PIP5K1B: variants seen among roughly 807,000 people sequenced by gnomAD.
The protein encoded by PIP5K1B is phosphatidylinositol 4-phosphate 5-kinase type-1 beta.
A neutral mutation model predicts 67.0 loss-of-function variants in PIP5K1B; 42 were observed. That is an observed-to-expected ratio of 0.63 (90% CI 0.49 to 0.81). PIP5K1B has a LOEUF of 0.81. Ranked by LOEUF, PIP5K1B falls within the 30% of genes least tolerant of loss-of-function variation. The pLI is 0.00. For synonymous variants in PIP5K1B, 214 were observed against 231.4 expected (o/e 0.92, Z 0.68); for missense variants, 459 against 646.3 (o/e 0.71, Z 3.14).
At chr9:68,962,216 G>C (rs930489678) in intron 14 of PIP5K1B, among the ~76,000 whole-genome samples, 1 of 152,032 alleles carries the variant, frequency 6.6e-6, no homozygotes, top group Non-Finnish European at 1.5e-5. Context: ...GGAAAAAAAA[G>C]ACATTAAATA....
In PIP5K1B at chr9:68,932,414, A is replaced by T. The variant is rs117791317; in HGVS notation, c.1202-2476A>T. ...TAGAAATTAAAATTGAGAAAAATTTAAAAATATTTATTAATTCTTACCAGT... is the reference window on the plus strand; with the variant it reads ...TAGAAATTAAAATTGAGAAAAATTTTAAAATATTTATTAATTCTTACCAGT... On this transcript the variant is annotated intron_variant, in intron 12 of 15. Transcript: ENST00000265382. Among the ~76,000 whole-genome samples the T allele has an allele frequency of 3.5e-4, 53 of 152,342 alleles. 1 individual carries two copies. The East Asian group carries it at 7.5e-3, about 22-fold the overall frequency.
chr9:68,829,585 A>G (rs1209714739), intron 4 of PIP5K1B, among the ~76,000 whole-genome samples: 5 of 152,254 alleles, frequency 3.3e-5, no homozygotes, highest in African/African-American at 1.2e-4. Flanking sequence ...ACAAAGAATT[A>G]TCTAAACGTT....
chr9:68,826,891 A>G (rs906987001), intron 4 of PIP5K1B, among the ~76,000 whole-genome samples: 5 of 151,950 alleles, frequency 3.3e-5, no homozygotes, highest in African/African-American at 1.2e-4. Context: ...AGCTGGGACT[A>G]CAGGTGCATG....
At chr9:68,716,173 A>G (rs1827624879) in intron 1 of PIP5K1B, among the ~76,000 whole-genome samples, 1 of 152,242 alleles carries the variant, frequency 6.6e-6, no homozygotes, top group South Asian at 2.1e-4. Flanking sequence ...AAGAATATGG[A>G]CATGCAGTTG....
chr9:68,775,256 G>C (rs569225201), intron 2 of PIP5K1B, among the ~76,000 whole-genome samples: 2 of 152,272 alleles, frequency 1.3e-5, no homozygotes, highest in East Asian at 3.9e-4. Context: ...AGCAAAACTA[G>C]CACATATTTC....
chr9:68,745,272 A>G (rs1263665908), intron 2 of PIP5K1B, among the ~76,000 whole-genome samples: 1 of 152,222 alleles, frequency 6.6e-6, no homozygotes, highest in Admixed American at 6.5e-5. Flanking sequence ...GGCTAGGACC[A>G]GACTGGACTG....
intron 2 of PIP5K1B, chr9:68,789,205 C>T: frequency 3.8e-6 from 2 of 522,784 alleles, no homozygotes; most frequent in Non-Finnish European, 7.4e-6. Flanking sequence ...TGGTCACCCA[C>T]ATTGGTGCTT....
intron 2 of PIP5K1B, among the ~76,000 whole-genome samples, chr9:68,752,430 A>G (rs538770801): frequency 6.6e-6 from 1 of 152,192 alleles, no homozygotes; most frequent in Non-Finnish European, 1.5e-5. Flanking sequence ...AGAAACATGC[A>G]TAAGTAATTC....
chr9:68,833,720 T>C (rs1002025932), intron 4 of PIP5K1B, among the ~76,000 whole-genome samples: 16 of 152,186 alleles, frequency 1.1e-4, no homozygotes, highest in African/African-American at 3.9e-4. Context: ...AGAGTTGATA[T>C]TGACTGGACG....
intron 15 of PIP5K1B, among the ~76,000 whole-genome samples, chr9:68,993,372 T>A (rs1335511359): frequency 6.6e-6 from 1 of 152,160 alleles, no homozygotes; most frequent in Non-Finnish European, 1.5e-5. Context: ...TATCCCATGC[T>A]CCCTCACTTC....
intron 3 of PIP5K1B, among the ~76,000 whole-genome samples, chr9:68,821,504 T>C (rs930197327): frequency 1.3e-5 from 2 of 151,856 alleles, no homozygotes; most frequent in African/African-American, 2.4e-5. Flanking sequence ...TTTTCACAGA[T>C]GCAAATTAAA....
intron 6 of PIP5K1B, among the ~76,000 whole-genome samples, chr9:68,880,620 T>TAC (rs138562154): frequency 1.6e-3 from 132 of 84,978 alleles, no homozygotes; most frequent in Non-Finnish European, 2.4e-3. Flanking sequence ...CACACACGCA[T>TAC]ACACACACAC....
At chr9:68,884,697 C>T (rs1824377762) in intron 6 of PIP5K1B, among the ~76,000 whole-genome samples, 1 of 150,304 alleles carries the variant, frequency 6.7e-6, no homozygotes, top group African/African-American at 2.5e-5. Context: ...ATACAGATGG[C>T]CAGTAGATAC....
chr9:68,993,988 G>T (rs932067555), intron 15 of PIP5K1B, among the ~76,000 whole-genome samples: 9 of 150,186 alleles, frequency 6.0e-5, no homozygotes, highest in Non-Finnish European at 1.3e-4. Context: ...GAATGAGGGG[G>T]TTTTATTGAG....
intron 2 of PIP5K1B, chr9:68,783,686 A>G (rs2132468617): frequency 6.0e-6 from 1 of 167,082 alleles, no homozygotes; most frequent in East Asian, 1.9e-4. Context: ...GCTAGAATCT[A>G]TCTCCTTATT....
intron 12 of PIP5K1B, among the ~76,000 whole-genome samples, chr9:68,929,811 A>G (rs950150615): frequency 6.6e-6 from 1 of 152,206 alleles, no homozygotes; most frequent in African/African-American, 2.4e-5. Context: ...CTGGGACCAC[A>G]GGCATGCGCC....
At chr9:68,748,731 C>T (rs1049784737) in intron 2 of PIP5K1B, among the ~76,000 whole-genome samples, 1 of 150,406 alleles carries the variant, frequency 6.6e-6, no homozygotes, top group Non-Finnish European at 1.5e-5. Context: ...AAGCGATTCT[C>T]CTGCCCCAGC....
intron 14 of PIP5K1B, among the ~76,000 whole-genome samples, chr9:68,969,772 C>A (rs776883134): frequency 6.6e-6 from 1 of 152,158 alleles, no homozygotes; most frequent in African/African-American, 2.4e-5. Context: ...AGTAAACAAA[C>A]TTCAGTGGGG....
At chr9:68,925,137 T>G (rs1587675689) in intron 12 of PIP5K1B, among the ~76,000 whole-genome samples, 1 of 152,294 alleles carries the variant, frequency 6.6e-6, no homozygotes, top group South Asian at 2.1e-4. Context: ...TTTTTTTTTT[T>G]GCCAGAATCT....
Sources: gnomAD v4.1 joint callset for allele counts (sites outside exome capture counted in the v4.1 genomes callset) on GRCh38, gnomAD v4.1.1 for gene constraint, MANE v1.5 for transcripts, NCBI Gene and HGNC (gene_info 2026-07-23, HGNC 2026-07-21) for gene names.